MTRES1: variants seen among roughly 807,000 people sequenced by gnomAD.
MTRES1 encodes mitochondrial transcription rescue factor 1, also known as uncharacterized protein C6orf203.
MTRES1 carries 11 observed loss-of-function variants against 17.4 expected under a neutral mutation model. The observed-to-expected ratio is 0.63, with a 90% confidence interval of 0.40 to 1.05. The LOEUF (loss-of-function observed/expected upper bound fraction) is 1.05. MTRES1 is among the 50% of genes least tolerant of loss of function. MTRES1 has a pLI of 0.00. For missense variants in MTRES1, 268 were observed against 276.2 expected (o/e 0.97, Z 0.21); for synonymous variants, 94 against 99.6 (o/e 0.94, Z 0.34).
intron 3 of MTRES1, among the ~76,000 whole-genome samples, 173 bp downstream of exon 3, chr6:107,044,505 C>T (rs1774328038): frequency 6.6e-6 from 1 of 152,158 alleles, no homozygotes; most frequent in African/African-American, 2.4e-5. Flanking sequence ...CACACAGGCA[C>T]TTTCACTTTT....
At chr6:107,029,785 A>G (rs1773772942) in intron 1 of MTRES1, among the ~76,000 whole-genome samples, 1 of 152,038 alleles carries the variant, frequency 6.6e-6, no homozygotes, top group African/African-American at 2.4e-5. Flanking sequence ...CGCCCATACT[A>G]TTTTTATTTT....
intron 1 of MTRES1, among the ~76,000 whole-genome samples, chr6:107,037,781 C>T (rs1430729413): frequency 6.6e-6 from 1 of 152,104 alleles, no homozygotes; most frequent in African/African-American, 2.4e-5. Context: ...TGCAGTGGTG[C>T]AATCTCAGCT....
chr6:107,042,033 C>T (rs1774233799), intron 2 of MTRES1, among the ~76,000 whole-genome samples: 1 of 151,858 alleles, frequency 6.6e-6, no homozygotes. Flanking sequence ...TTTTTAATCC[C>T]TGAAGCTTAA....
chr6:107,042,458 C>A (rs1260797987), intron 2 of MTRES1, among the ~76,000 whole-genome samples: 1 of 149,096 alleles, frequency 6.7e-6, no homozygotes, highest in Non-Finnish European at 1.5e-5. Flanking sequence ...AATAAGGGGG[C>A]CTCTCCTCTC....
At chr6:107,044,478 C>T in intron 3 of MTRES1, 146 bp downstream of exon 3, 1 of 659,910 alleles carries the variant, frequency 1.5e-6, no homozygotes, top group Admixed American at 2.6e-5. Flanking sequence ...TGGTGGGAAT[C>T]AGCTACAGGC....
intron 3 of MTRES1, among the ~76,000 whole-genome samples, chr6:107,047,761 C>G (rs1554228587): frequency 6.6e-6 from 1 of 151,922 alleles, no homozygotes; most frequent in Non-Finnish European, 1.5e-5. Flanking sequence ...TGGCAGGCTC[C>G]TGTAATTCCA....
intron 1 of MTRES1, among the ~76,000 whole-genome samples, chr6:107,030,769 G>A (rs187842919): frequency 6.1e-4 from 93 of 152,294 alleles, no homozygotes; most frequent in African/African-American, 1.7e-3. Flanking sequence ...GGGAACCCTC[G>A]TGAAGTTCAA....
At chr6:107,032,189 T>G (rs1202184034) in intron 1 of MTRES1, among the ~76,000 whole-genome samples, 1 of 152,078 alleles carries the variant, frequency 6.6e-6, no homozygotes, top group Non-Finnish European at 1.5e-5. Context: ...ATTGCTTGCT[T>G]TTGAATGAGA....
At chr6:107,047,614 G>A (rs1402817646) in intron 3 of MTRES1, among the ~76,000 whole-genome samples, 2 of 152,172 alleles carry the variant, frequency 1.3e-5, no homozygotes, top group Non-Finnish European at 2.9e-5. Flanking sequence ...GCCGGGCACA[G>A]TGGCTCACAC....
chr6:107,029,919 C>G (rs1421619545), intron 1 of MTRES1: 1 of 610,374 alleles, frequency 1.6e-6, no homozygotes, highest in Non-Finnish European at 2.9e-6. Context: ...CTTGCCCTCT[C>G]AATCCCCCTT....
At chr6:107,029,187 G>A (rs1156653419) in intron 1 of MTRES1, among the ~76,000 whole-genome samples, 4 of 127,940 alleles carry the variant, frequency 3.1e-5, no homozygotes, top group South Asian at 2.5e-4. Flanking sequence ...CGCCACACCC[G>A]GCTATTTTTT....
chr6:107,044,245 T>C lies in MTRES1; in HGVS notation c.471-15T>C. On this transcript the variant is annotated splice_polypyrimidine_tract_variant and intron_variant, in intron 2 of 3. Coordinates refer to ENST00000311381, the MANE Select transcript of MTRES1 (RefSeq NM_016487.5). ...ACCCAAATTGTGTACATTGTTGCTTTTTTTTGTTTTGTAGCAAAGTGGAAG... is the reference window on the plus strand; with the variant it reads ...ACCCAAATTGTGTACATTGTTGCTTCTTTTTGTTTTGTAGCAAAGTGGAAG... 1 of 1,612,142 alleles carries C rather than the reference T, an allele frequency of 6.2e-7. No homozygotes were observed. The highest frequency in any genetic ancestry group is 8.5e-7 in the Non-Finnish European group (1 of 1,178,422).
At chr6:107,029,191 A>ATTTTTT (rs35093769) in intron 1 of MTRES1, among the ~76,000 whole-genome samples, 1 of 98,856 alleles carries the variant, frequency 1.0e-5, no homozygotes, top group African/African-American at 4.1e-5. Flanking sequence ...ACACCCGGCT[A>ATTTTTT]TTTTTTTTTT....
At chr6:107,031,114 T>C (rs987621846) in intron 1 of MTRES1, among the ~76,000 whole-genome samples, 9 of 152,132 alleles carry the variant, frequency 5.9e-5, no homozygotes, top group African/African-American at 2.2e-4. Context: ...GCACAGTGGC[T>C]CAGGCCTGTA....
At chr6:107,040,301 C>T in intron 2 of MTRES1, 71 bp downstream of exon 2, 1 of 1,386,712 alleles carries the variant, frequency 7.2e-7, no homozygotes, top group Non-Finnish European at 9.7e-7. Flanking sequence ...TTACAAATCA[C>T]TTGGCCCATA....
At chr6:107,038,124 T>C (rs1376716745) in intron 1 of MTRES1, among the ~76,000 whole-genome samples, 1 of 152,148 alleles carries the variant, frequency 6.6e-6, no homozygotes, top group Non-Finnish European at 1.5e-5. Flanking sequence ...CCAAGAGTGG[T>C]GGATTAATAG....
chr6:107,028,797 GGTTA>G (rs1470145565), intron 1 of MTRES1: 3 of 689,506 alleles, frequency 4.4e-6, no homozygotes, highest in Admixed American at 6.3e-5. Context: ...TACAGTCTTC[GGTTA>G]GTTCAGATTG....
intron 2 of MTRES1, among the ~76,000 whole-genome samples, chr6:107,043,940 G>A (rs553193528): frequency 1.2e-4 from 19 of 152,294 alleles, no homozygotes; most frequent in South Asian, 1.0e-3. Context: ...CAGCCTGGCC[G>A]ACATAGTGAA....
chr6:107,039,635 G>A (rs1774122630), intron 1 of MTRES1, 114 bp from the exon 2 acceptor site: 1 of 1,164,304 alleles, frequency 8.6e-7, no homozygotes, highest in African/African-American at 1.6e-5. Flanking sequence ...GGACTTTTTA[G>A]GGGCGAATAC....
Sources: allele counts gnomAD v4.1 joint callset (sites outside exome capture counted in the v4.1 genomes callset), GRCh38; gene constraint gnomAD v4.1.1; transcripts MANE v1.5; gene names NCBI Gene and HGNC (gene_info 2026-07-23, HGNC 2026-07-21).